CNOT10: variants seen among roughly 807,000 people sequenced by gnomAD.
CNOT10 encodes CCR4-NOT transcription complex, subunit 10.
Under a neutral mutation model 94.6 loss-of-function variants are expected in CNOT10, and 30 were observed. The ratio of observed to expected loss-of-function variants is 0.32; its 90% CI spans 0.24 to 0.43. The LOEUF (loss-of-function observed/expected upper bound fraction) is 0.43. CNOT10 is among the 20% of genes least tolerant of loss of function. The pLI is 1.00. For synonymous variants in CNOT10, 289 were observed against 301.6 expected (o/e 0.96, Z 0.43); for missense variants, 759 against 877.2 (o/e 0.87, Z 1.70).
intron 18 of CNOT10, 66 bp from the exon 19 acceptor site, chr3:32,773,391 A>G (rs1700995440): frequency 2.0e-6 from 3 of 1,485,454 alleles, no homozygotes; most frequent in African/African-American, 1.4e-5. Context: ...CAGGATTTTC[A>G]TGTCTTGCTT....
chr3:32,759,910 C>T (rs1222765556), intron 14 of CNOT10, among the ~76,000 whole-genome samples: 1 of 152,068 alleles, frequency 6.6e-6, no homozygotes, highest in Non-Finnish European at 1.5e-5. Context: ...GGACCAGGCA[C>T]GGTGGCTCAC....
At chr3:32,740,697 T>C (rs1007741652) in intron 13 of CNOT10, among the ~76,000 whole-genome samples, 13 of 150,760 alleles carry the variant, frequency 8.6e-5, no homozygotes, top group Non-Finnish European at 1.0e-4. Flanking sequence ...CCTGTCTCTA[T>C]TAAAAATACA....
intron 4 of CNOT10, 148 bp downstream of exon 4, chr3:32,708,968 A>G: frequency 1.7e-6 from 1 of 590,410 alleles, no homozygotes; most frequent in Admixed American, 3.9e-5. Flanking sequence ...GTTAGAAAAG[A>G]TAAAAATGTA....
chr3:32,772,490 C>G (rs1700956322), intron 18 of CNOT10, among the ~76,000 whole-genome samples: 1 of 152,024 alleles, frequency 6.6e-6, no homozygotes, highest in Admixed American at 6.6e-5. Context: ...TCACTGCACT[C>G]CAGCCTGGGC....
chr3:32,704,696 T>C (rs1403757766), intron 2 of CNOT10, 115 bp from the exon 3 acceptor site: 1 of 1,181,350 alleles, frequency 8.5e-7, no homozygotes, highest in African/African-American at 1.6e-5. Context: ...GGAAACTACA[T>C]CTTTCTTTTT....
Position 32,772,696 on chromosome 3 carries a change from CA to C in CNOT10, c.2081-753del, listed in dbSNP as rs200509161. On this transcript the variant is annotated intron_variant, in intron 18 of 18. Transcript: ENST00000328834. Reference sequence around the variant, plus strand: ...TGGGCCACAGAACAAGACTCTGTCTCAAAAAAAACCCAATGTTCTAAGGCAT... The same window carrying C: ...TGGGCCACAGAACAAGACTCTGTCTCAAAAAAACCCAATGTTCTAAGGCAT... Among the ~76,000 whole-genome samples, 1,292 of 151,874 alleles carry C rather than the reference CA, an allele frequency of 8.5e-3. 9 individuals are homozygous for C. Among genetic ancestry groups the C allele is most frequent in the Non-Finnish European group, 0.013 (864 of 67,948 alleles).
At chr3:32,751,349 T>A (rs917935802) in intron 13 of CNOT10, among the ~76,000 whole-genome samples, 2 of 152,052 alleles carry the variant, frequency 1.3e-5, no homozygotes, top group Non-Finnish European at 2.9e-5. Context: ...CAAGCAATTC[T>A]CCCACATCAG....
intron 12 of CNOT10, among the ~76,000 whole-genome samples, chr3:32,735,783 C>T (rs114748333): frequency 0.015 from 2,248 of 152,172 alleles, 23 homozygotes; most frequent in Non-Finnish European, 0.022. Flanking sequence ...CTCTGTCTAT[C>T]CTCTTAATAT....
At chr3:32,719,118 A>G (rs1403906066) in intron 7 of CNOT10, among the ~76,000 whole-genome samples, 1 of 152,106 alleles carries the variant, frequency 6.6e-6, no homozygotes, top group Non-Finnish European at 1.5e-5. Context: ...GTGTGGTGGC[A>G]TGCGCCTGTA....
chr3:32,736,168 C>T (rs551820228), intron 12 of CNOT10, among the ~76,000 whole-genome samples: 2 of 152,266 alleles, frequency 1.3e-5, no homozygotes, highest in African/African-American at 4.8e-5. Flanking sequence ...TCACTGCAAC[C>T]TCCACCTCAC....
At chr3:32,731,922 C>A (rs1223901346) in intron 10 of CNOT10, among the ~76,000 whole-genome samples, 1 of 151,454 alleles carries the variant, frequency 6.6e-6, no homozygotes, top group Admixed American at 6.6e-5. Context: ...ACTAAAAATA[C>A]AAAAAATTAG....
intron 18 of CNOT10, among the ~76,000 whole-genome samples, chr3:32,772,839 G>A (rs1036134013): frequency 6.6e-6 from 1 of 152,060 alleles, no homozygotes; most frequent in African/African-American, 2.4e-5. Flanking sequence ...TGTGATTAGG[G>A]TTAGTGCATT....
At chr3:32,706,981 T>A (rs370093884) in intron 3 of CNOT10, among the ~76,000 whole-genome samples, 1 of 152,194 alleles carries the variant, frequency 6.6e-6, no homozygotes, top group Admixed American at 6.5e-5. Context: ...TTACAATTCA[T>A]TGTGTGTAGT....
chr3:32,695,968 AGTGTGT>A (rs764702440), intron 1 of CNOT10: 21,303 of 430,110 alleles, frequency 0.05, 168 homozygotes, highest in African/African-American at 0.062. Context: ...TGTTGAAGAG[AGTGTGT>A]GTGTGTGTGT....
chr3:32,685,410 G>A lies in CNOT10; in HGVS notation c.-51G>A. 2 of 1,548,594 alleles carry A rather than the reference G, an allele frequency of 1.3e-6. No homozygotes were observed. The highest frequency in any genetic ancestry group is 1.2e-5 in the South Asian group (1 of 83,996). ...CAGGACAGCGGCCAGCCCGGCGGCG[G>A]GAGTCAGGGCCACGCCACCTGCAGG... On this transcript the variant is annotated 5_prime_UTR_variant, in exon 1 of 19. Transcript: ENST00000328834.
intron 17 of CNOT10, among the ~76,000 whole-genome samples, chr3:32,766,889 GC>G (rs1700670613): frequency 6.6e-6 from 1 of 152,148 alleles, no homozygotes; most frequent in African/African-American, 2.4e-5. Context: ...ACCATTGGCA[GC>G]CCCAGAGGAA....
intron 13 of CNOT10, among the ~76,000 whole-genome samples, chr3:32,758,129 G>A (rs1177724987): frequency 6.6e-6 from 1 of 152,174 alleles, no homozygotes; most frequent in Non-Finnish European, 1.5e-5. Context: ...AGTCTACAAT[G>A]TCAAATATTA....
At chr3:32,734,636 G>A (rs1007075130) in intron 11 of CNOT10, among the ~76,000 whole-genome samples, 164 bp from the exon 12 acceptor site, 1 of 151,994 alleles carries the variant, frequency 6.6e-6, no homozygotes, top group Admixed American at 6.6e-5. Flanking sequence ...CTATACTTAG[G>A]ATTTGGGTTC....
At chr3:32,686,851 A>C (rs1696623999) in intron 1 of CNOT10, among the ~76,000 whole-genome samples, 1 of 152,162 alleles carries the variant, frequency 6.6e-6, no homozygotes, top group East Asian at 1.9e-4. Flanking sequence ...CTCAGTCATA[A>C]AGCCTTCTAC....
Sources: gnomAD v4.1 joint callset for allele counts (sites outside exome capture counted in the v4.1 genomes callset) on GRCh38, gnomAD v4.1.1 for gene constraint, MANE v1.5 for transcripts, NCBI Gene and HGNC (gene_info 2026-07-23, HGNC 2026-07-21) for gene names.